ROBO1: variants seen among roughly 807,000 people sequenced by gnomAD.
ROBO1 encodes roundabout homolog 1.
A neutral mutation model predicts 195.9 loss-of-function variants in ROBO1; 149 were observed. That is an observed-to-expected ratio of 0.76 (90% CI 0.67 to 0.87). ROBO1 has a LOEUF of 0.87. Among genes scored for constraint, ROBO1 ranks in the 40% least tolerant of loss-of-function variants. The pLI is 0.00. For synonymous variants in ROBO1, 816 were observed against 733.2 expected, an observed-to-expected ratio of 1.11 and a Z score of -1.82; for missense variants, 1,933 against 2,068.3, an observed-to-expected ratio of 0.93 and a Z score of 1.27.
chr3:79,407,622 C>T (rs950866984), intron 2 of ROBO1, among the ~76,000 whole-genome samples: 6 of 151,650 alleles, frequency 4.0e-5, no homozygotes, highest in Admixed American at 2.6e-4. Context: ...GGGTATGAGC[C>T]CTTTTCTTAG....
At chr3:79,018,440 A>G in intron 3 of ROBO1, 1 of 1,613,952 alleles carries the variant, frequency 6.2e-7, no homozygotes, top group South Asian at 1.1e-5. Context: ...AACAGGTAAA[A>G]GTGAGCGGGC....
At chr3:78,630,108 T>C (rs1000084748) in intron 25 of ROBO1, among the ~76,000 whole-genome samples, 12 of 152,178 alleles carry the variant, frequency 7.9e-5, no homozygotes, top group African/African-American at 2.9e-4. Context: ...CATGGCTTAT[T>C]GGGTTCCATG....
At chr3:78,756,261 C>G (rs1476355998) in intron 4 of ROBO1, among the ~76,000 whole-genome samples, 1 of 151,952 alleles carries the variant, frequency 6.6e-6, no homozygotes, top group Non-Finnish European at 1.5e-5. Context: ...GAAAATAACT[C>G]AAAACGTGGG....
At chr3:78,680,073 C>A (rs889950120) in intron 10 of ROBO1, among the ~76,000 whole-genome samples, 4 of 152,126 alleles carry the variant, frequency 2.6e-5, no homozygotes, top group East Asian at 1.9e-4. Flanking sequence ...CAAAAACAAG[C>A]AATGGGGAAA....
chr3:78,866,481 C>T (rs1038720416), intron 4 of ROBO1, among the ~76,000 whole-genome samples: 24 of 152,196 alleles, frequency 1.6e-4, no homozygotes, highest in Admixed American at 6.5e-4. Flanking sequence ...ACTATAGAAC[C>T]CTTCTTTCCA....
intron 2 of ROBO1, among the ~76,000 whole-genome samples, chr3:79,468,933 C>G (rs1938117118): frequency 6.6e-6 from 1 of 151,976 alleles, no homozygotes; most frequent in Non-Finnish European, 1.5e-5. Context: ...TGACCTTTTC[C>G]TTTGTATCAT....
chr3:79,158,934 T>G (rs1287423262), intron 2 of ROBO1, among the ~76,000 whole-genome samples: 2 of 151,984 alleles, frequency 1.3e-5, no homozygotes, highest in African/African-American at 4.8e-5. Flanking sequence ...ATATTTAAAA[T>G]AGTTATAAAT....
At chr3:79,511,395 T>C (rs534908864) in intron 2 of ROBO1, among the ~76,000 whole-genome samples, 2 of 152,310 alleles carry the variant, frequency 1.3e-5, no homozygotes, top group South Asian at 4.1e-4. Flanking sequence ...ATGGATATAT[T>C]AGTAAATTTC....
At position 78,951,066 on chromosome 3, in the gene ROBO1, T is replaced by C. The variant is rs146908698; in HGVS notation, c.173-12139A>G. ...ATATATGTGTATGTTATATATCATA[T>C]ATAACCTATATCATAGATATATATA... is the stretch of plus-strand genomic sequence containing the variant. On this transcript the variant is annotated intron_variant, in intron 3 of 30. Coordinates refer to ENST00000464233, the MANE Select transcript of ROBO1 (RefSeq NM_002941.4). Among the ~76,000 whole-genome samples the C allele has an allele frequency of 6.5e-3, 979 of 151,724 alleles. 10 individuals carry two copies. The highest frequency in any genetic ancestry group is 0.023 in the African/African-American group (949 of 41,406).
At chr3:78,675,183 G>A (rs1190713000) in intron 10 of ROBO1, among the ~76,000 whole-genome samples, 1 of 151,640 alleles carries the variant, frequency 6.6e-6, no homozygotes, top group Non-Finnish European at 1.5e-5. Flanking sequence ...AAATCAGCTG[G>A]CAGCCAAGAT....
intron 3 of ROBO1, among the ~76,000 whole-genome samples, chr3:78,962,627 C>A (rs2041420675): frequency 6.6e-6 from 1 of 151,870 alleles, no homozygotes; most frequent in Non-Finnish European, 1.5e-5. Context: ...AGATCGAGAC[C>A]ATCCTGGCTA....
At chr3:79,494,509 G>A (rs1219844706) in intron 2 of ROBO1, among the ~76,000 whole-genome samples, 1 of 152,068 alleles carries the variant, frequency 6.6e-6, no homozygotes, top group Non-Finnish European at 1.5e-5. Flanking sequence ...GAAGACAAAG[G>A]ATGAAAAGTG....
At chr3:78,614,303 G>T (rs1443801987) in intron 28 of ROBO1, among the ~76,000 whole-genome samples, 1 of 152,112 alleles carries the variant, frequency 6.6e-6, no homozygotes, top group Non-Finnish European at 1.5e-5. Context: ...CACTTTGGAG[G>T]ATTTATCAGT....
intron 2 of ROBO1, among the ~76,000 whole-genome samples, chr3:79,198,747 C>T (rs917831187): frequency 2.0e-5 from 3 of 152,026 alleles, no homozygotes; most frequent in Non-Finnish European, 4.4e-5. Flanking sequence ...TTGAAGAGGT[C>T]CTTCACATCC....
intron 4 of ROBO1, among the ~76,000 whole-genome samples, chr3:78,776,440 G>A (rs984440625): frequency 2.0e-5 from 3 of 151,996 alleles, no homozygotes; most frequent in South Asian, 2.1e-4. Context: ...TAGTAGAGAC[G>A]GGGTTTCGCC....
intron 1 of ROBO1, among the ~76,000 whole-genome samples, chr3:79,686,380 G>T (rs1176328846): frequency 6.6e-6 from 1 of 152,098 alleles, no homozygotes; most frequent in Non-Finnish European, 1.5e-5. Flanking sequence ...GGGCAATTAG[G>T]CAGGAGAAGG....
At chr3:79,080,978 G>T (rs868392543) in intron 3 of ROBO1, among the ~76,000 whole-genome samples, 1 of 151,936 alleles carries the variant, frequency 6.6e-6, no homozygotes, top group African/African-American at 2.4e-5. Context: ...TTGAGGGTGC[G>T]TATCTAAATT....
rs2034735234 is a variant in ROBO1 at position 79,337,722 on chromosome 3, TTAAA to T, written c.89-212187_89-212184del. Among the ~76,000 whole-genome samples, 8 of 152,294 alleles carry T rather than the reference TTAAA, an allele frequency of 5.3e-5. 1 individual carries two copies. In the South Asian group the frequency reaches 1.7e-3, roughly 32 times the overall value. ...TTAGAAAAATATTTATTTAAACAAATTAAATATAAGCCAATCAATTTTCTTACAA... is the reference window on the plus strand; with the variant it reads ...TTAGAAAAATATTTATTTAAACAAATTATAAGCCAATCAATTTTCTTACAA... On this transcript the variant is annotated intron_variant, in intron 2 of 30. Coordinates refer to ENST00000464233, the MANE Select transcript of ROBO1 (RefSeq NM_002941.4).
intron 10 of ROBO1, among the ~76,000 whole-genome samples, chr3:78,681,818 C>G (rs2080919736): frequency 6.6e-6 from 1 of 152,118 alleles, no homozygotes; most frequent in African/African-American, 2.4e-5. Context: ...AGGAGAATGG[C>G]CTGAACCTGG....
Sources: gnomAD v4.1 joint callset for allele counts (sites outside exome capture counted in the v4.1 genomes callset) on GRCh38, gnomAD v4.1.1 for gene constraint, MANE v1.5 for transcripts, NCBI Gene and HGNC (gene_info 2026-07-23, HGNC 2026-07-21) for gene names.